The following ITPK1 variants were observed in gnomAD, a reference collection of about 807,000 sequenced individuals.
The protein encoded by ITPK1 is inositol 1,3,4-trisphosphate 5/6-kinase.
In ITPK1, 21 loss-of-function variants were observed where a neutral mutation model predicts 45.3. That is an observed-to-expected ratio of 0.46 (90% CI 0.33 to 0.67). The LOEUF is 0.67. ITPK1 is among the 30% of genes least tolerant of loss of function. The pLI is 0.02. For synonymous variants in ITPK1, 258 were observed against 253.6 expected, an observed-to-expected ratio of 1.02 and a Z score of -0.16; for missense variants, 474 against 573.5, an observed-to-expected ratio of 0.83 and a Z score of 1.77.
chr14:93,062,702 G>C (rs935020969), intron 3 of ITPK1, among the ~76,000 whole-genome samples: 1 of 152,124 alleles, frequency 6.6e-6, no homozygotes, highest in African/African-American at 2.4e-5. Flanking sequence ...CCCACGGCAG[G>C]TCTGTGCTAT....
At chr14:93,080,775 C>T (rs1201162013) in intron 2 of ITPK1, among the ~76,000 whole-genome samples, 2 of 151,938 alleles carry the variant, frequency 1.3e-5, no homozygotes, top group Non-Finnish European at 2.9e-5. Flanking sequence ...CTGGCTCTAT[C>T]GCCCAGGCTG....
At chr14:92,942,262 T>C (rs945857627) in intron 10 of ITPK1, among the ~76,000 whole-genome samples, 3 of 152,146 alleles carry the variant, frequency 2.0e-5, no homozygotes, top group African/African-American at 4.8e-5. Context: ...GCAGGGGATG[T>C]TGGCGTGGCT....
intron 10 of ITPK1, among the ~76,000 whole-genome samples, chr14:92,943,401 G>A (rs1200463016): frequency 1.3e-5 from 2 of 152,236 alleles, no homozygotes; most frequent in South Asian, 2.1e-4. Flanking sequence ...TCTGAAGGAC[G>A]CCCTTGGTCT....
chr14:92,972,228 G>A (rs998667961), intron 5 of ITPK1, among the ~76,000 whole-genome samples: 4 of 152,200 alleles, frequency 2.6e-5, no homozygotes, highest in East Asian at 1.9e-4. Flanking sequence ...TGGGCTGAGC[G>A]CTGTTTCCAA....
intron 2 of ITPK1, among the ~76,000 whole-genome samples, chr14:93,093,715 G>A (rs1891955941): frequency 6.6e-6 from 1 of 152,204 alleles, no homozygotes; most frequent in South Asian, 2.1e-4. Flanking sequence ...GAATAGCCGA[G>A]GTTGCTAATG....
intron 3 of ITPK1, among the ~76,000 whole-genome samples, chr14:93,062,828 C>T (rs1460500256): frequency 1.3e-5 from 2 of 152,188 alleles, no homozygotes; most frequent in South Asian, 2.1e-4. Context: ...CATCTTCTCC[C>T]CAAGAAGATA....
chr14:92,957,059 A>G (rs1321136700), intron 8 of ITPK1, among the ~76,000 whole-genome samples: 1 of 152,248 alleles, frequency 6.6e-6, no homozygotes, highest in African/African-American at 2.4e-5. Context: ...GAGAAGAGGC[A>G]TCTAGGGGAA....
intron 10 of ITPK1, among the ~76,000 whole-genome samples, chr14:92,942,854 T>C (rs1181748596): frequency 6.6e-6 from 1 of 152,162 alleles, no homozygotes; most frequent in Non-Finnish European, 1.5e-5. Flanking sequence ...CTGAGCCAAC[T>C]TGGAGGGGCG....
chr14:92,949,647 G>T (rs532450897), intron 9 of ITPK1, among the ~76,000 whole-genome samples: 2 of 152,240 alleles, frequency 1.3e-5, no homozygotes, highest in Non-Finnish European at 2.9e-5. Context: ...TTGTGGTGCC[G>T]ACGACGGGAG....
chr14:93,042,192 A>T (rs993358293), intron 3 of ITPK1, among the ~76,000 whole-genome samples: 2 of 152,220 alleles, frequency 1.3e-5, no homozygotes, highest in African/African-American at 4.8e-5. Context: ...TCTCACAGTA[A>T]CAAATCCAAG....
chr14:92,943,889 C>T (rs1277045169), intron 10 of ITPK1, among the ~76,000 whole-genome samples: 1 of 152,206 alleles, frequency 6.6e-6, no homozygotes, highest in Non-Finnish European at 1.5e-5. Flanking sequence ...AAGGCAGAGG[C>T]AAGATTCGAA....
At position 92,937,755 on chromosome 14, in the gene ITPK1, CAGGCTGGCCTGAGGCAGCAG is replaced by C. The variant is rs1282876050; in HGVS notation, c.*3786_*3805del. The C allele has an allele frequency of 1.3e-5, 2 of 152,618 alleles. No individual in the cohort carries two copies. The highest frequency in any genetic ancestry group is 2.4e-5 in the African/African-American group (1 of 41,470). The allele number at this position is 152,618 out of a possible 1,614,324, so 9.5% of individuals were successfully genotyped here. A position where few individuals can be genotyped will look rare whatever the true frequency, so the allele number is the denominator to read the frequency against. ...GATGACTGTGGCATCGGGGTGTGGC[CAGGCTGGCCTGAGGCAGCAG>C]AGGCTGGGCCTTTGTCAAGGACAGC... On this transcript the variant is annotated 3_prime_UTR_variant, in exon 11 of 11. Coordinates refer to ENST00000267615, the MANE Select transcript of ITPK1 (RefSeq NM_014216.6).
chr14:93,007,371 C>T (rs1159131022), intron 4 of ITPK1, among the ~76,000 whole-genome samples: 2 of 150,840 alleles, frequency 1.3e-5, no homozygotes, highest in East Asian at 2.0e-4. Context: ...CCCACAGTCG[C>T]CCGGCCGAGT....
rs1423292163 is a variant in ITPK1 at position 92,939,617 on chromosome 14, A to G, written c.*1944T>C. ...CGCCCCCGCCCCACCACGGAGGCCT[A>G]TGGACGCCACCACGACACCACATGG... On this transcript the variant is annotated 3_prime_UTR_variant, in exon 11 of 11. Transcript: ENST00000267615. The G allele has an allele frequency of 8.1e-6, 7 of 864,464 alleles. No individual in the cohort carries two copies. In the African/African-American group the frequency reaches 9.2e-5, roughly 11 times the overall value. 53.5% of individuals were successfully genotyped at this position (864,464 alleles called of 1,614,324 possible).
At chr14:92,962,718 C>A (rs377291491) in intron 6 of ITPK1, 33 bp downstream of exon 6, 1 of 1,523,504 alleles carries the variant, frequency 6.6e-7, no homozygotes, top group Non-Finnish European at 9.1e-7. Context: ...GTCTACAGCG[C>A]CTGCCCTCAG....
rs1170472567 is a variant in ITPK1, at chr14:92,940,166, C to A, written c.*1395G>T. The A allele has an allele frequency of 2.0e-6, 2 of 985,772 alleles. No homozygotes were observed. Among genetic ancestry groups the A allele is most frequent in the Non-Finnish European group, 2.4e-6 (2 of 830,112 alleles). 61.1% of individuals were successfully genotyped at this position (985,772 alleles called of 1,614,324 possible). On this transcript the variant is annotated 3_prime_UTR_variant, in exon 11 of 11. Coordinates refer to ENST00000267615, the MANE Select transcript of ITPK1 (RefSeq NM_014216.6). Reference sequence around the variant, plus strand: ...CATGCACTGGCTCGGGGGCCTCTCTCGGGACACTCAGCACTTTCTCTAGCG... The same window carrying A: ...CATGCACTGGCTCGGGGGCCTCTCTAGGGACACTCAGCACTTTCTCTAGCG...
chr14:92,988,290 G>T (rs1886595905), intron 5 of ITPK1, among the ~76,000 whole-genome samples: 1 of 152,178 alleles, frequency 6.6e-6, no homozygotes, highest in South Asian at 2.1e-4. Flanking sequence ...ACACCAAGGG[G>T]TCGCTCTGCC....
chr14:92,940,643 C>G lies in ITPK1; in HGVS notation c.*918G>C, dbSNP rs1156649892. On this transcript the variant is annotated 3_prime_UTR_variant, in exon 11 of 11. Coordinates refer to ENST00000267615, the MANE Select transcript of ITPK1 (RefSeq NM_014216.6). ...TCACCTAGGTGACTTTATGGAAAGG[C>G]AGGCTGCATCCCAGGGGTTAGGGCA... 5.7e-6 allele frequency: 7 copies of G among 1,235,244 alleles called. No individual in the cohort carries two copies. The African/African-American group carries it at 7.8e-5, about 14-fold the overall frequency. 76.5% of individuals were successfully genotyped at this position (1,235,244 alleles called of 1,614,324 possible).
At chr14:92,982,863 C>G (rs1242221196) in intron 5 of ITPK1, among the ~76,000 whole-genome samples, 1 of 152,214 alleles carries the variant, frequency 6.6e-6, no homozygotes, top group Non-Finnish European at 1.5e-5. Flanking sequence ...ATCTAAGAGA[C>G]CCTATGGCCT....
Sources: allele counts gnomAD v4.1 joint callset (sites outside exome capture counted in the v4.1 genomes callset), GRCh38; gene constraint gnomAD v4.1.1; transcripts MANE v1.5; gene names NCBI Gene and HGNC (gene_info 2026-07-23, HGNC 2026-07-21).